The following ATP6V1E2 variants were observed in gnomAD, a reference collection of about 807,000 sequenced individuals.
ATP6V1E2 encodes the protein ATPase H+ transporting V1 subunit E2, also known as V-type proton ATPase subunit E 2.
For missense variants in ATP6V1E2, 308 were observed against 273.3 expected, an observed-to-expected ratio of 1.13 and a Z score of -0.90; for synonymous variants, 121 against 104.2, an observed-to-expected ratio of 1.16 and a Z score of -0.98.
intron 2 of ATP6V1E2, among the ~76,000 whole-genome samples, chr2:46,538,593 G>T (rs977446448): frequency 1.3e-5 from 2 of 151,990 alleles, no homozygotes; most frequent in Non-Finnish European, 2.9e-5. Context: ...CTCACAGATG[G>T]CCTGTTTACT....
In ATP6V1E2 at chr2:46,512,240, T is replaced by C. The variant is rs1572694591; in HGVS notation, c.472A>G (p.Ile158Val). 6.2e-7 allele frequency: 1 copy of C among 1,613,972 alleles called. No homozygotes were observed. The highest frequency in any genetic ancestry group is 8.5e-7 in the Non-Finnish European group (1 of 1,179,984). Residue 158 changes from isoleucine (I) to valine (V), a missense_variant, in exon 5 of 5, where the codon ATT (isoleucine) becomes GTT (valine). By Grantham distance (29) the Ile-to-Val change is conservative (BLOSUM62 3). Transcript: ENST00000522587. ...TGGACCTCCACATGTTTCTGGGAAA[T>C]TGTCATGTACTCGGGGATGGCTTTT... Reference protein sequence around the residue: ...VQKAIPEYMTISQKHVEVQID... With the variant: ...VQKAIPEYMTVSQKHVEVQID...
At position 46,516,618 on chromosome 2, in the gene ATP6V1E2, G is replaced by A. The variant is rs55939277; in HGVS notation, c.-101-3806C>T. On this transcript the variant is annotated intron_variant, in intron 4 of 4. Coordinates refer to ENST00000522587, the MANE Select transcript of ATP6V1E2 (RefSeq NM_001318063.2). ...CTAAAAAAAATTTTTAAAAGAATAA[G>A]TCAAAAAGAAAACTAGAACATATCT... 2.6e-3 allele frequency among the ~76,000 whole-genome samples: 390 copies of A among 152,004 alleles called. 3 individuals are homozygous for A. The highest frequency in any genetic ancestry group is 9.0e-3 in the African/African-American group (374 of 41,450).
At chr2:46,525,707 A>AG (rs1436475047) in intron 4 of ATP6V1E2, among the ~76,000 whole-genome samples, 1 of 152,192 alleles carries the variant, frequency 6.6e-6, no homozygotes, top group Non-Finnish European at 1.5e-5. Flanking sequence ...GGCTTTGGTC[A>AG]GGACTGGAGA....
chr2:46,512,366 G>A lies in ATP6V1E2; in HGVS notation c.346C>T (p.Leu116=), dbSNP rs950272021. Residue 116 remains leucine (L), a synonymous_variant, in exon 5 of 5, where the codon CTG becomes TTG. Transcript: ENST00000522587. The part of the protein sequence containing the change: ...VEDPEVYQGL[L]DKLVLQGLLR... The stretch of plus-strand genomic sequence containing the variant: ...AGACCCTGGAGCACCAGTTTATCCA[G>A]CAGCCCCTGGTAGACCTCTGGGTCC... The A allele has an allele frequency of 1.2e-6, 2 of 1,613,950 alleles. No individual in the cohort carries two copies. The highest frequency in any genetic ancestry group is 8.5e-7 in the Non-Finnish European group (1 of 1,180,022).
rs1055742612 is a variant in ATP6V1E2, at chr2:46,512,150, G to C, written c.562C>G (p.Gln188Glu). 28 of 1,614,032 alleles carry C rather than the reference G, an allele frequency of 1.7e-5. No individual in the cohort carries two copies. Among genetic ancestry groups the C allele is most frequent in the Non-Finnish European group, 2.4e-5 (28 of 1,180,034 alleles). The change falls in exon 5 of 5, where the codon CAG becomes GAG. Residue 188 changes from glutamine to glutamate, a missense_variant. By Grantham distance (29) the Gln-to-Glu change is conservative. Coordinates refer to ENST00000522587, the MANE Select transcript of ATP6V1E2 (RefSeq NM_001318063.2). ...AGGVEVYSGN[Q>E]RIKVSNTLES... ...AAGGTATTTGAAACCTTTATTCTCT[G>C]ATTGCCACTGTAGACCTCCACACCT...
intron 4 of ATP6V1E2, chr2:46,534,579 T>A (rs944532005): frequency 6.6e-6 from 1 of 152,242 alleles, no homozygotes; most frequent in Non-Finnish European, 1.5e-5. Context: ...TATCTAGTAT[T>A]TTTAACATTC....
At chr2:46,537,543 G>A (rs1309952294) in intron 2 of ATP6V1E2, 1 of 151,858 alleles carries the variant, frequency 6.6e-6, no homozygotes, top group Admixed American at 6.6e-5. Context: ...AAGGTATGCT[G>A]AGTAGAAAGT....
Position 46,525,069 on chromosome 2 carries a change from C to T in ATP6V1E2, c.-102+10744G>A, listed in dbSNP as rs540737415. Reference sequence around the variant, plus strand: ...AGGGCCAGGACACAAGACAAGGCATCGCGATTGGAAGGAAGAGATGTGGCC... The same window carrying T: ...AGGGCCAGGACACAAGACAAGGCATTGCGATTGGAAGGAAGAGATGTGGCC... On this transcript the variant is annotated intron_variant, in intron 4 of 4. Transcript: ENST00000522587. 4.1e-4 allele frequency among the ~76,000 whole-genome samples: 62 copies of T among 152,188 alleles called. 1 individual carries two copies. In the South Asian group the frequency reaches 0.012, roughly 29 times the overall value.
At chr2:46,538,724 G>C (rs1667572863) in intron 2 of ATP6V1E2, among the ~76,000 whole-genome samples, 1 of 152,122 alleles carries the variant, frequency 6.6e-6, no homozygotes, top group Admixed American at 6.5e-5. Context: ...GTGAATGGCT[G>C]AAACATAAAT....
chr2:46,514,634 G>C (rs1477179095), intron 4 of ATP6V1E2, among the ~76,000 whole-genome samples: 1 of 152,028 alleles, frequency 6.6e-6, no homozygotes, highest in Non-Finnish European at 1.5e-5. Context: ...GAATGAGAAA[G>C]AGTAAAGAAA....
intron 4 of ATP6V1E2, chr2:46,534,184 T>C (rs981509670): frequency 4.6e-5 from 7 of 152,226 alleles, no homozygotes; most frequent in East Asian, 3.8e-4. Flanking sequence ...GACTCCAGTT[T>C]TTAATATCAT....
intron 4 of ATP6V1E2, among the ~76,000 whole-genome samples, chr2:46,529,619 G>T (rs1031092782): frequency 6.6e-6 from 1 of 152,170 alleles, no homozygotes; most frequent in African/African-American, 2.4e-5. Context: ...AGCTAGGCAT[G>T]ATGGTGTGCA....
intron 4 of ATP6V1E2, among the ~76,000 whole-genome samples, chr2:46,526,650 G>T (rs1173971767): frequency 6.6e-6 from 1 of 152,068 alleles, no homozygotes; most frequent in Non-Finnish European, 1.5e-5. Flanking sequence ...GTCCTTCCTT[G>T]GCTGGCTTAT....
intron 4 of ATP6V1E2, among the ~76,000 whole-genome samples, chr2:46,533,393 C>T (rs1667286093): frequency 6.6e-6 from 1 of 152,068 alleles, no homozygotes. Context: ...CCACCTCAGC[C>T]ACCTGAGTAG....
intron 2 of ATP6V1E2, among the ~76,000 whole-genome samples, chr2:46,540,209 C>A (rs1398946204): frequency 1.3e-5 from 2 of 152,164 alleles, no homozygotes; most frequent in South Asian, 4.2e-4. Flanking sequence ...TCACTTTGAA[C>A]TCAGGAGTTC....
chr2:46,526,666 TTAG>T (rs952336901), intron 4 of ATP6V1E2, among the ~76,000 whole-genome samples: 10 of 152,230 alleles, frequency 6.6e-5, no homozygotes, highest in African/African-American at 2.4e-4. Context: ...CTTATTTCAC[TTAG>T]TATGATGTCT....
intron 4 of ATP6V1E2, among the ~76,000 whole-genome samples, chr2:46,525,074 T>C (rs1483125449): frequency 6.6e-6 from 1 of 151,920 alleles, no homozygotes; most frequent in Non-Finnish European, 1.5e-5. Context: ...GGCATCGCGA[T>C]TGGAAGGAAG....
chr2:46,518,028 T>C (rs908299720), intron 4 of ATP6V1E2, among the ~76,000 whole-genome samples: 21 of 152,212 alleles, frequency 1.4e-4, no homozygotes, highest in African/African-American at 4.8e-4. Flanking sequence ...GAAAATAGAA[T>C]CTTGAAGAAA....
At chr2:46,540,219 C>G (rs553607895) in intron 2 of ATP6V1E2, among the ~76,000 whole-genome samples, 1 of 151,886 alleles carries the variant, frequency 6.6e-6, no homozygotes. Context: ...CTCAGGAGTT[C>G]GAGACTAGCC....
Sources: allele counts gnomAD v4.1 joint callset (sites outside exome capture counted in the v4.1 genomes callset), GRCh38; gene constraint gnomAD v4.1.1; transcripts MANE v1.5; gene names NCBI Gene and HGNC (gene_info 2026-07-23, HGNC 2026-07-21).